Variants in NOL10 observed in about 807,000 individuals in gnomAD.
NOL10 encodes the protein H_NH0074G24.1.
In NOL10, 58 loss-of-function variants were observed where a neutral mutation model predicts 103.5. The ratio of observed to expected loss-of-function variants is 0.56; its 90% confidence interval spans 0.45 to 0.70. NOL10 has a LOEUF of 0.70. NOL10 is among the 30% of genes least tolerant of loss of function. The pLI is 0.00. For synonymous variants in NOL10, 287 were observed against 282.5 expected (o/e 1.02, Z -0.16); for missense variants, 763 against 807.3 (o/e 0.95, Z 0.67).
intron 13 of NOL10, among the ~76,000 whole-genome samples, chr2:10,631,309 A>G (rs1277494248): frequency 6.6e-6 from 1 of 152,238 alleles, no homozygotes; most frequent in Non-Finnish European, 1.5e-5. Context: ...TGACGTGTAC[A>G]GCACTCCCAG....
At chr2:10,588,525 G>T (rs1367796606) in intron 19 of NOL10, among the ~76,000 whole-genome samples, 1 of 152,204 alleles carries the variant, frequency 6.6e-6, no homozygotes. Context: ...CAGGTAAAGT[G>T]AGATGGGGTA....
chr2:10,626,736 G>A (rs1053600148), intron 13 of NOL10, among the ~76,000 whole-genome samples: 1 of 150,846 alleles, frequency 6.6e-6, no homozygotes, highest in Non-Finnish European at 1.5e-5. Flanking sequence ...CAACATTGAA[G>A]TCAAACTAGC....
intron 13 of NOL10, among the ~76,000 whole-genome samples, chr2:10,633,476 C>T (rs977269855): frequency 1.3e-5 from 2 of 150,992 alleles, no homozygotes; most frequent in Non-Finnish European, 3.0e-5. Flanking sequence ...ATATACAGCC[C>T]ATAAGTTATT....
chr2:10,688,844 CAG>C (rs1265370339), intron 1 of NOL10, among the ~76,000 whole-genome samples: 1 of 152,166 alleles, frequency 6.6e-6, no homozygotes, highest in Non-Finnish European at 1.5e-5. Flanking sequence ...AACTGGAAGA[CAG>C]GGAATTATTC....
intron 1 of NOL10, among the ~76,000 whole-genome samples, chr2:10,688,598 A>G (rs1017314822): frequency 1.3e-5 from 2 of 152,250 alleles, no homozygotes; most frequent in African/African-American, 4.8e-5. Flanking sequence ...CTTTCTCTCA[A>G]TATTTTATCC....
intron 19 of NOL10, among the ~76,000 whole-genome samples, chr2:10,587,208 TATATATATAC>T (rs1201104748): frequency 2.7e-5 from 1 of 37,608 alleles, no homozygotes; most frequent in Non-Finnish European, 4.6e-5. Context: ...TATATACACA[TATATATATAC>T]ATATATATAC....
chr2:10,651,689 T>C (rs1447405657), intron 12 of NOL10, among the ~76,000 whole-genome samples: 2 of 152,104 alleles, frequency 1.3e-5, no homozygotes, highest in East Asian at 3.9e-4. Context: ...CCAGTCGCAC[T>C]ATCCCTGCTC....
At chr2:10,637,419 C>T (rs1678337576) in intron 13 of NOL10, among the ~76,000 whole-genome samples, 1 of 152,094 alleles carries the variant, frequency 6.6e-6, no homozygotes, top group African/African-American at 2.4e-5. Flanking sequence ...CCTGACAACC[C>T]CTAAAATTCT....
intron 2 of NOL10, among the ~76,000 whole-genome samples, chr2:10,683,689 A>G (rs1198533649): frequency 6.6e-6 from 1 of 152,248 alleles, no homozygotes; most frequent in Non-Finnish European, 1.5e-5. Flanking sequence ...CCAGAAAAGC[A>G]GTGGACTTCC....
intron 13 of NOL10, among the ~76,000 whole-genome samples, chr2:10,636,501 G>A (rs146113277): frequency 1.1e-3 from 166 of 145,942 alleles, no homozygotes; most frequent in African/African-American, 4.0e-3. Context: ...CCAGATACTC[G>A]AGAGGCTGAG....
At chr2:10,680,790 T>C (rs944204815) in intron 3 of NOL10, among the ~76,000 whole-genome samples, 5 of 152,178 alleles carry the variant, frequency 3.3e-5, no homozygotes, top group South Asian at 2.1e-4. Flanking sequence ...CAAAAAATGT[T>C]TGGACAATAT....
At position 10,571,541 on chromosome 2, in the gene NOL10, T is replaced by A. The variant is rs1674179155; in HGVS notation, c.*530A>T. ...ACCATTAGATTATACTCTCTTGGTATAAATTATTTAAAAACAAATCCCAAA... is the reference window on the plus strand; with the variant it reads ...ACCATTAGATTATACTCTCTTGGTAAAAATTATTTAAAAACAAATCCCAAA... On this transcript the variant is annotated 3_prime_UTR_variant, in exon 21 of 21. Transcript: ENST00000381685. The A allele has an allele frequency of 2.0e-5, 3 of 153,018 alleles. No individual in the cohort carries two copies. The highest frequency in any genetic ancestry group is 4.4e-5 in the Non-Finnish European group (3 of 68,614). 9.5% of individuals were successfully genotyped at this position (153,018 alleles called of 1,614,324 possible).
chr2:10,629,936 T>C (rs1227332723), intron 13 of NOL10, among the ~76,000 whole-genome samples: 1 of 152,132 alleles, frequency 6.6e-6, no homozygotes, highest in African/African-American at 2.4e-5. Flanking sequence ...TACAAATGCA[T>C]ACCACCATGC....
At chr2:10,689,590 A>G (rs936300766) in intron 1 of NOL10, among the ~76,000 whole-genome samples, 5 of 152,200 alleles carry the variant, frequency 3.3e-5, no homozygotes, top group South Asian at 2.1e-4. Context: ...CCCTTGGTCC[A>G]GTTTCTGGCG....
chr2:10,641,600 T>C (rs895678479), intron 13 of NOL10, among the ~76,000 whole-genome samples: 9 of 152,142 alleles, frequency 5.9e-5, no homozygotes, highest in Non-Finnish European at 1.2e-4. Flanking sequence ...AAAGGGAAAA[T>C]AATGTTTAAT....
chr2:10,689,767 G>C (rs370057816), intron 1 of NOL10, 29 bp downstream of exon 1: 29 of 1,585,350 alleles, frequency 1.8e-5, no homozygotes, highest in Middle Eastern at 1.7e-4. Context: ...CCAAGAGCTC[G>C]AGAGTGAGGG....
At position 10,669,511 on chromosome 2, in the gene NOL10, TATACACAC is replaced by T. The variant is rs780050266; in HGVS notation, c.465-796_465-789del. Reference sequence around the variant, plus strand: ...ACACACACACATACACACACACATATATACACACACACACACACACACACACACACAAA... The same window carrying T: ...ACACACACACATACACACACACATATACACACACACACACACACACACAAA... On this transcript the variant is annotated intron_variant, in intron 6 of 20. Coordinates refer to ENST00000381685, the MANE Select transcript of NOL10 (RefSeq NM_024894.4). 3.2e-4 allele frequency among the ~76,000 whole-genome samples: 30 copies of T among 95,144 alleles called. 1 individual carries two copies. The East Asian group carries it at 3.9e-3, about 13-fold the overall frequency. The allele number at this position is 95,144 out of a possible 152,430, so 62.4% of individuals were successfully genotyped here.
At chr2:10,679,946 A>C (rs1681613800) in intron 3 of NOL10, among the ~76,000 whole-genome samples, 1 of 152,008 alleles carries the variant, frequency 6.6e-6, no homozygotes, top group African/African-American at 2.4e-5. Flanking sequence ...AAATATTTTT[A>C]AGATAAAATA....
chr2:10,645,338 C>G (rs1185905387), intron 12 of NOL10, among the ~76,000 whole-genome samples: 1 of 152,114 alleles, frequency 6.6e-6, no homozygotes, highest in African/African-American at 2.4e-5. Flanking sequence ...TTTAGATTAT[C>G]AGATCACATA....
Sources: gnomAD v4.1 joint callset for allele counts (sites outside exome capture counted in the v4.1 genomes callset) on GRCh38, gnomAD v4.1.1 for gene constraint, MANE v1.5 for transcripts, NCBI Gene and HGNC (gene_info 2026-07-23, HGNC 2026-07-21) for gene names.